The following PFKFB3 variants were observed in gnomAD, a reference collection of about 807,000 sequenced individuals.
PFKFB3 encodes 6-phosphofructo-2-kinase/fructose-2,6-biphosphatase 3, also known as 6-phosphofructo-2-kinase/fructose-2,6-bisphosphatase 3.
A neutral mutation model predicts 68.0 loss-of-function variants in PFKFB3; 33 were observed. That is an observed-to-expected ratio of 0.49 (90% CI 0.37 to 0.65). The LOEUF is 0.65. Ranked by LOEUF, PFKFB3 falls within the 30% of genes least tolerant of loss-of-function variation. PFKFB3 has a pLI of 0.00. For synonymous variants in PFKFB3, 315 were observed against 288.2 expected, an observed-to-expected ratio of 1.09 and a Z score of -0.94; for missense variants, 586 against 712.2, an observed-to-expected ratio of 0.82 and a Z score of 2.02.
intron 1 of PFKFB3, among the ~76,000 whole-genome samples, chr10:6,161,279 C>A (rs975829410): frequency 6.6e-6 from 1 of 152,094 alleles, no homozygotes; most frequent in Non-Finnish European, 1.5e-5. Context: ...TCAAGACTTA[C>A]GACTCAGGGC....
intron 1 of PFKFB3, among the ~76,000 whole-genome samples, chr10:6,161,529 G>GATATATACACACATATGTAT (rs1227424432): frequency 3.3e-5 from 5 of 150,744 alleles, no homozygotes; most frequent in East Asian, 3.9e-4. Flanking sequence ...TTGAGTCATA[G>GATATATACACACATATGTAT]ATATATACAC....
At chr10:6,304,423 G>A in the PFKFB3 span, among the ~76,000 whole-genome samples, 1 of 150,794 alleles carries the variant, frequency 6.6e-6, no homozygotes, top group Non-Finnish European at 1.5e-5. Flanking sequence ...CCCTTCTGCA[G>A]GCCTATATGC....
At chr10:6,251,472 G>A (rs528893358) in intron 14 of PFKFB3, among the ~76,000 whole-genome samples, 20 of 152,342 alleles carry the variant, frequency 1.3e-4, no homozygotes, top group African/African-American at 4.8e-4. Flanking sequence ...AGCTGTGGAT[G>A]TGATGGTTTG....
chr10:6,213,895 C>T lies in PFKFB3; in HGVS notation c.202+147C>T, dbSNP rs1844396434. The T allele has an allele frequency of 3.8e-6, 3 of 789,290 alleles. No individual in the cohort carries two copies. The South Asian group carries it at 5.2e-5, about 14-fold the overall frequency. The allele number at this position is 789,290 out of a possible 1,614,324, so 48.9% of individuals were successfully genotyped here. On this transcript the variant is annotated intron_variant, in intron 2 of 14. Transcript: ENST00000379775. The stretch of plus-strand genomic sequence containing the variant: ...TCCTGCCTCCCATGCAGCTGGGTCC[C>T]CTTCACACTGTGTCTACACCCTTTT...
At chr10:6,169,884 T>C (rs1842254771) in intron 1 of PFKFB3, among the ~76,000 whole-genome samples, 1 of 152,204 alleles carries the variant, frequency 6.6e-6, no homozygotes, top group Non-Finnish European at 1.5e-5. Flanking sequence ...CTTAAACCTT[T>C]CCCAGGTTCC....
chr10:6,179,575 T>G (rs1842645906), intron 1 of PFKFB3, among the ~76,000 whole-genome samples: 1 of 152,164 alleles, frequency 6.6e-6, no homozygotes, highest in South Asian at 2.1e-4. Flanking sequence ...GGGATGTTGC[T>G]GTCCATGGGG....
the PFKFB3 span, among the ~76,000 whole-genome samples, chr10:6,262,347 C>A: frequency 5.7e-5 from 7 of 122,350 alleles, no homozygotes; most frequent in Non-Finnish European, 8.8e-5. Flanking sequence ...CCAGCTGCTC[C>A]AGAGGCTGAG....
intron 10 of PFKFB3, among the ~76,000 whole-genome samples, chr10:6,222,275 A>C (rs1013205490): frequency 6.6e-6 from 1 of 152,254 alleles, no homozygotes; most frequent in African/African-American, 2.4e-5. Flanking sequence ...GAGAGCCCAC[A>C]GGAGCAGGAG....
chr10:6,280,786 C>CTT, the PFKFB3 span, among the ~76,000 whole-genome samples: 1 of 146,424 alleles, frequency 6.8e-6, no homozygotes, highest in African/African-American at 2.5e-5. Flanking sequence ...GAGGCACATG[C>CTT]TTTTTTTTTT....
chr10:6,188,143 A>G (rs1242686347), intron 1 of PFKFB3, among the ~76,000 whole-genome samples: 1 of 151,328 alleles, frequency 6.6e-6, no homozygotes, highest in African/African-American at 2.4e-5. Context: ...TTTTTTCTGA[A>G]CCATTTGAGA....
At chr10:6,156,068 G>A (rs1841774344) in intron 1 of PFKFB3, among the ~76,000 whole-genome samples, 1 of 151,832 alleles carries the variant, frequency 6.6e-6, no homozygotes, top group Non-Finnish European at 1.5e-5. Context: ...CATCCTGTGT[G>A]TCTGTGTGTT....
At chr10:6,266,421 T>A in the PFKFB3 span, among the ~76,000 whole-genome samples, 1 of 152,170 alleles carries the variant, frequency 6.6e-6, no homozygotes, top group Admixed American at 6.5e-5. Flanking sequence ...ATCTTGTGCC[T>A]TCCCTGTCTC....
chr10:6,239,210 G>A (rs1405748945), downstream of PFKFB3, among the ~76,000 whole-genome samples: 1 of 152,162 alleles, frequency 6.6e-6, no homozygotes, highest in Non-Finnish European at 1.5e-5. Context: ...CACCGCTGTG[G>A]TAGTTATTCA....
the PFKFB3 span, among the ~76,000 whole-genome samples, chr10:6,319,000 C>T: frequency 4.1e-3 from 624 of 152,252 alleles, 2 homozygotes; most frequent in Admixed American, 6.9e-3. Flanking sequence ...GAGGCTAGCA[C>T]AGTGTCTGAT....
rs747683414 is a variant in PFKFB3, at chr10:6,222,907, G to A, written c.1136G>A (p.Arg379Gln). 7.4e-6 allele frequency: 12 copies of A among 1,613,942 alleles called. No individual in the cohort carries two copies. Among genetic ancestry groups the A allele is most frequent in the East Asian group, 4.5e-5 (2 of 44,872 alleles). ...GAGCCAGTGATCATGGAGCTGGAGCGGCAGGAGAATGTGCTGGTCATCTGC... is the reference window on the plus strand; with the variant it reads ...GAGCCAGTGATCATGGAGCTGGAGCAGCAGGAGAATGTGCTGGTCATCTGC... ...RLEPVIMELE[R>Q]QENVLVICHQ... The change falls in exon 11 of 15, where the codon CGG (arginine) becomes CAG (glutamine). Residue 379 changes from arginine to glutamine, a missense_variant. Coordinates refer to ENST00000379775, the MANE Select transcript of PFKFB3 (RefSeq NM_004566.4).
intron 1 of PFKFB3, among the ~76,000 whole-genome samples, chr10:6,158,939 A>G (rs1841889801): frequency 6.6e-6 from 1 of 152,264 alleles, no homozygotes; most frequent in South Asian, 2.1e-4. Flanking sequence ...ATGTTCACAC[A>G]ATCATGTTCA....
chr10:6,212,899 T>C (rs999851977), intron 1 of PFKFB3, among the ~76,000 whole-genome samples: 11 of 152,184 alleles, frequency 7.2e-5, no homozygotes, highest in African/African-American at 2.7e-4. Flanking sequence ...TGGGCCTCTC[T>C]GTCTCTTGAC....
At chr10:6,192,329 C>G (rs1003064838) in intron 1 of PFKFB3, among the ~76,000 whole-genome samples, 1 of 151,516 alleles carries the variant, frequency 6.6e-6, no homozygotes, top group Non-Finnish European at 1.5e-5. Flanking sequence ...CAGCTAGCAT[C>G]GCTGTCCAAA....
At chr10:6,296,778 C>T in the PFKFB3 span, among the ~76,000 whole-genome samples, 10 of 152,194 alleles carry the variant, frequency 6.6e-5, no homozygotes, top group African/African-American at 2.2e-4. Flanking sequence ...TCACTTTCTT[C>T]GCCATCTTGG....
Sources: allele counts gnomAD v4.1 joint callset (sites outside exome capture counted in the v4.1 genomes callset), GRCh38; gene constraint gnomAD v4.1.1; transcripts MANE v1.5; gene names NCBI Gene and HGNC (gene_info 2026-07-23, HGNC 2026-07-21).